The following NUMB variants were observed in gnomAD, a reference collection of about 807,000 sequenced individuals.
NUMB encodes the protein protein numb homolog.
In NUMB, 29 loss-of-function variants were observed where a neutral mutation model predicts 59.7. That is an observed-to-expected ratio of 0.49 (90% confidence interval 0.36 to 0.66). The LOEUF (loss-of-function observed/expected upper bound fraction) is 0.66, where lower values mean the gene tolerates loss of function less well. Among genes scored for constraint, NUMB ranks in the 30% least tolerant of loss-of-function variants. The pLI, the probability that NUMB is intolerant of heterozygous loss-of-function variation, is 0.00. For synonymous variants in NUMB, 288 were observed against 288.2 expected, an observed-to-expected ratio of 1.00 and a Z score of 0.01; for missense variants, 723 against 822.0, an observed-to-expected ratio of 0.88 and a Z score of 1.47.
intron 2 of NUMB, chr14:73,409,033 CCT>C (rs1896799568): frequency 6.6e-6 from 1 of 152,222 alleles, no homozygotes; most frequent in South Asian, 2.1e-4. Flanking sequence ...TGTAAATATT[CCT>C]CTTTTTCATA....
intron 1 of NUMB, among the ~76,000 whole-genome samples, chr14:73,431,204 C>T (rs1282615869): frequency 6.0e-5 from 9 of 151,104 alleles, no homozygotes; most frequent in Non-Finnish European, 1.2e-4. Context: ...ATCCACCCGC[C>T]TTGGCCTTCC....
intron 2 of NUMB, among the ~76,000 whole-genome samples, chr14:73,396,806 A>G (rs1896160575): frequency 6.6e-6 from 1 of 152,226 alleles, no homozygotes. Flanking sequence ...AGCATGTATC[A>G]GAATCACCTA....
At chr14:73,370,874 A>C (rs1894639424) in intron 2 of NUMB, among the ~76,000 whole-genome samples, 1 of 152,238 alleles carries the variant, frequency 6.6e-6, no homozygotes, top group Non-Finnish European at 1.5e-5. Context: ...TGTTAGGTAA[A>C]TTTTTAACTT....
At chr14:73,319,767 G>A (rs1014386675) in intron 5 of NUMB, among the ~76,000 whole-genome samples, 9 of 152,250 alleles carry the variant, frequency 5.9e-5, no homozygotes, top group Non-Finnish European at 1.2e-4. Context: ...ACTATGATAT[G>A]AGAAGAACAG....
chr14:73,308,285 A>C (rs1890577475), intron 6 of NUMB, among the ~76,000 whole-genome samples: 1 of 152,176 alleles, frequency 6.6e-6, no homozygotes, highest in African/African-American at 2.4e-5. Flanking sequence ...GTCAAGGTCA[A>C]ATCCAGGGTT....
chr14:73,322,039 A>G (rs141207181), intron 5 of NUMB, among the ~76,000 whole-genome samples: 56 of 152,332 alleles, frequency 3.7e-4, no homozygotes, highest in African/African-American at 1.3e-3. Flanking sequence ...GAGAAGCACA[A>G]AAGTTCTGAT....
At chr14:73,280,427 A>G (rs1315598400) in intron 11 of NUMB, among the ~76,000 whole-genome samples, 1 of 151,732 alleles carries the variant, frequency 6.6e-6, no homozygotes, top group Non-Finnish European at 1.5e-5. Context: ...GGTAACTCAC[A>G]GAACATTTTT....
chr14:73,292,980 A>G, intron 7 of NUMB, 106 bp from the exon 8 acceptor site: 1 of 1,131,456 alleles, frequency 8.8e-7, no homozygotes, highest in African/African-American at 1.5e-5. Flanking sequence ...ATCTGATACA[A>G]CTAGGCTATG....
chr14:73,320,099 T>G (rs1228561849), intron 5 of NUMB, among the ~76,000 whole-genome samples: 1 of 151,784 alleles, frequency 6.6e-6, no homozygotes, highest in Non-Finnish European at 1.5e-5. Context: ...ACCACTGCAC[T>G]CCAACCTGGG....
At chr14:73,397,925 A>G (rs1190251780) in intron 2 of NUMB, among the ~76,000 whole-genome samples, 1 of 152,194 alleles carries the variant, frequency 6.6e-6, no homozygotes, top group Non-Finnish European at 1.5e-5. Flanking sequence ...ATGAAGTGGA[A>G]AAAGAAAGAA....
At chr14:73,417,882 A>G (rs768298943) in intron 1 of NUMB, among the ~76,000 whole-genome samples, 89 of 152,208 alleles carry the variant, frequency 5.8e-4, no homozygotes, top group Non-Finnish European at 1.5e-4. Context: ...TGAGGTAGGT[A>G]GATCACAAGG....
chr14:73,362,953 A>C (rs1894161247), intron 3 of NUMB, among the ~76,000 whole-genome samples: 1 of 151,958 alleles, frequency 6.6e-6, no homozygotes, highest in South Asian at 2.1e-4. Flanking sequence ...GTTCAATACC[A>C]GCCTGGGCAA....
At chr14:73,340,320 A>G (rs1892563477) in intron 4 of NUMB, among the ~76,000 whole-genome samples, 1 of 152,180 alleles carries the variant, frequency 6.6e-6, no homozygotes, top group East Asian at 1.9e-4. Context: ...CCCACCTGAC[A>G]AACGAGCAGT....
intron 4 of NUMB, among the ~76,000 whole-genome samples, chr14:73,350,901 C>T (rs970436143): frequency 3.3e-5 from 5 of 152,164 alleles, no homozygotes; most frequent in African/African-American, 1.2e-4. Context: ...CCTAGTCTAA[C>T]CTACCATTAT....
At chr14:73,430,114 T>C (rs1188109026) in intron 1 of NUMB, among the ~76,000 whole-genome samples, 3 of 150,950 alleles carry the variant, frequency 2.0e-5, no homozygotes, top group African/African-American at 7.3e-5. Flanking sequence ...TTATATATTT[T>C]ATATGTTTTA....
intron 1 of NUMB, among the ~76,000 whole-genome samples, chr14:73,445,119 A>G (rs1419047898): frequency 1.3e-5 from 2 of 152,016 alleles, no homozygotes; most frequent in Non-Finnish European, 2.9e-5. Context: ...GATTAGCTGT[A>G]ACACTACTAA....
At chr14:73,291,262 G>A (rs1213715205) in intron 8 of NUMB, among the ~76,000 whole-genome samples, 2 of 151,934 alleles carry the variant, frequency 1.3e-5, no homozygotes, top group Non-Finnish European at 2.9e-5. Flanking sequence ...TGTATTTTTA[G>A]TAGAGACAGG....
Position 73,374,255 on chromosome 14 carries a change from T to A in NUMB, c.-100-7274A>T, listed in dbSNP as rs559249775. On this transcript the variant is annotated intron_variant, in intron 2 of 12. Coordinates refer to ENST00000555238, the MANE Select transcript of NUMB (RefSeq NM_001005743.2). ...GGTTGGTCTCAAACTCCTGGCCTCA[T>A]GCAGTCCTCCCACCTTGGCCTTTTT... 2.6e-5 allele frequency among the ~76,000 whole-genome samples: 4 copies of A among 152,238 alleles called. No individual in the cohort carries two copies. The South Asian group carries it at 8.3e-4, about 32-fold the overall frequency.
intron 4 of NUMB, among the ~76,000 whole-genome samples, chr14:73,333,019 TTG>T: frequency 6.6e-6 from 1 of 152,310 alleles, no homozygotes; most frequent in East Asian, 1.9e-4. Context: ...CAATGGACAT[TTG>T]GACTGTGGTG....
Sources: allele counts gnomAD v4.1 joint callset (sites outside exome capture counted in the v4.1 genomes callset), GRCh38; gene constraint gnomAD v4.1.1; transcripts MANE v1.5; gene names NCBI Gene and HGNC (gene_info 2026-07-23, HGNC 2026-07-21).